The following LAMA3 variants were observed in gnomAD, a reference collection of about 807,000 sequenced individuals.
LAMA3 encodes the protein laminin subunit alpha-3.
In LAMA3, 281 loss-of-function variants were observed where a neutral mutation model predicts 402.0. That is an observed-to-expected ratio of 0.70 (90% confidence interval 0.63 to 0.77). LAMA3 has a LOEUF of 0.77. Among genes scored for constraint, LAMA3 ranks in the 30% least tolerant of loss-of-function variants. The probability of loss-of-function intolerance (pLI) is 0.00; values close to 1 mark genes in which losing one functional copy is unlikely to be tolerated. For synonymous variants in LAMA3, 1,431 were observed against 1,558.4 expected (o/e 0.92, Z 1.93); for missense variants, 3,840 against 4,215.5 (o/e 0.91, Z 2.47).
At position 23,690,277 on chromosome 18, in the gene LAMA3, C is replaced by A. The variant is rs938226955; in HGVS notation, c.294+300C>A. On this transcript the variant is annotated intron_variant, in intron 1 of 74. Transcript: ENST00000313654. ...GCTGCGCTCTAAGAGATGCAGGCGC[C>A]TCGGCCCTTCCCGCCTCCGTCACCC... Among the ~76,000 whole-genome samples, 12 of 152,370 alleles carry A rather than the reference C, an allele frequency of 7.9e-5. No individual in the cohort carries two copies. In the South Asian group the frequency reaches 8.3e-4, roughly 11 times the overall value.
chr18:23,955,055 G>A lies in LAMA3; in HGVS notation c.*407G>A, dbSNP rs2083064420. 3.9e-6 allele frequency: 1 copy of A among 255,504 alleles called. No homozygotes were observed. The allele number at this position is 255,504 out of a possible 1,614,324, so 15.8% of individuals were successfully genotyped here. A position where few individuals can be genotyped will look rare whatever the true frequency, so the allele number is the denominator to read the frequency against. ...AATTTATGGAATTAAAAAATGCAGT[G>A]TAGTCCTTAAATTATGATGTTTTAT... On this transcript the variant is annotated 3_prime_UTR_variant, in exon 75 of 75. Transcript: ENST00000313654.
At chr18:23,924,172 A>G (rs2081933567) in intron 62 of LAMA3, among the ~76,000 whole-genome samples, 1 of 151,858 alleles carries the variant, frequency 6.6e-6, no homozygotes, top group Admixed American at 6.6e-5. Context: ...TTTTTTTGAG[A>G]CAAGAGTCTT....
At chr18:23,810,245 G>A in intron 12 of LAMA3, 121 bp from the exon 13 acceptor site, 1 of 1,159,178 alleles carries the variant, frequency 8.6e-7, no homozygotes, top group Non-Finnish European at 1.3e-6. Context: ...CATAAGAAGT[G>A]GAGCTGGAAT....
intron 35 of LAMA3, among the ~76,000 whole-genome samples, 196 bp from the exon 36 acceptor site, chr18:23,864,589 C>G (rs1003399433): frequency 7.9e-5 from 12 of 152,096 alleles, no homozygotes; most frequent in Non-Finnish European, 8.8e-5. Context: ...TCATGCTAAA[C>G]ATTTCAAATG....
At chr18:23,858,595 A>C (rs2144719228) in intron 33 of LAMA3, 94 bp from the exon 34 acceptor site, 2 of 1,130,384 alleles carry the variant, frequency 1.8e-6, no homozygotes, top group South Asian at 2.5e-5. Context: ...TCATCCTAAC[A>C]TCTTGTGTTG....
intron 62 of LAMA3, among the ~76,000 whole-genome samples, 166 bp downstream of exon 62, chr18:23,921,751 C>G (rs1018793020): frequency 1.3e-5 from 2 of 152,012 alleles, no homozygotes; most frequent in Non-Finnish European, 2.9e-5. Context: ...ATTTAAATCC[C>G]GAATAATGAG....
chr18:23,845,159 A>C, intron 30 of LAMA3, 35 bp downstream of exon 30: 1 of 1,235,348 alleles, frequency 8.1e-7, no homozygotes, highest in Non-Finnish European at 1.2e-6. Flanking sequence ...TCTGGAATGC[A>C]GAGGCACTCC....
chr18:23,954,793 G>A lies in LAMA3; in HGVS notation c.*145G>A. 2.4e-6 allele frequency: 2 copies of A among 822,386 alleles called. No individual in the cohort carries two copies. Among genetic ancestry groups the A allele is most frequent in the South Asian group, 1.4e-5 (1 of 70,570 alleles). 50.9% of individuals were successfully genotyped at this position (822,386 alleles called of 1,614,324 possible). On this transcript the variant is annotated 3_prime_UTR_variant, in exon 75 of 75. Transcript: ENST00000313654. Reference sequence around the variant, plus strand: ...GAATCTAATTTTGAATTCTGACCATGGATACCCATCACTTTGGCATTCAGT... The same window carrying A: ...GAATCTAATTTTGAATTCTGACCATAGATACCCATCACTTTGGCATTCAGT...
chr18:23,728,449 C>T (rs1201412784), intron 2 of LAMA3, among the ~76,000 whole-genome samples: 2 of 152,198 alleles, frequency 1.3e-5, no homozygotes, highest in Admixed American at 6.5e-5. Flanking sequence ...AAGGCTCCAG[C>T]TCTGTCTGGG....
Position 23,826,715 on chromosome 18 carries a change from T to C in LAMA3, c.2585T>C (p.Leu862Pro), listed in dbSNP as rs199976901. ...TTTATTTTCTAGGATTACCTGGTGC[T>C]GCTCCCCAGGGACTACTATGAAGCC... Reference protein sequence around the residue: ...AEGVLLDYLVLLPRDYYEASV... With the variant: ...AEGVLLDYLVPLPRDYYEASV... Residue 862 changes from leucine to proline, a missense_variant, in exon 22 of 75, where the codon CTG (leucine) becomes CCG (proline). Leu to Pro is a moderately conservative substitution (Grantham distance 98). Coordinates refer to ENST00000313654, the MANE Select transcript of LAMA3 (RefSeq NM_198129.4). The C allele has an allele frequency of 6.5e-5, 101 of 1,559,146 alleles. No individual in the cohort carries two copies. Among genetic ancestry groups the C allele is most frequent in the Non-Finnish European group, 8.5e-5 (98 of 1,149,592 alleles).
intron 51 of LAMA3, 127 bp downstream of exon 51, chr18:23,904,821 T>G: frequency 3.9e-6 from 4 of 1,035,418 alleles, no homozygotes; most frequent in Non-Finnish European, 5.7e-6. Context: ...TTGTATAGAA[T>G]AGAACTTGCC....
At chr18:23,905,095 C>T (rs547242702) in intron 51 of LAMA3, among the ~76,000 whole-genome samples, 1 of 151,894 alleles carries the variant, frequency 6.6e-6, no homozygotes, top group Admixed American at 6.6e-5. Context: ...ATCTTATATG[C>T]ACCATATGAT....
intron 2 of LAMA3, among the ~76,000 whole-genome samples, chr18:23,745,173 A>ATG (rs55780622): frequency 0.48 from 71,648 of 148,874 alleles, 18,147 homozygotes; most frequent in Middle Eastern, 0.61. Flanking sequence ...AGAATCAAAA[A>ATG]TGTGTGTGTG....
rs1209699866 is a variant in LAMA3 at position 23,751,073 on chromosome 18, A to T, written c.840A>T (p.Pro280=). 1.2e-6 allele frequency: 2 copies of T among 1,614,142 alleles called. No homozygotes were observed. The change falls in exon 5 of 75, where the codon CCA becomes CCT. Residue 280 remains proline, a synonymous_variant. Coordinates refer to ENST00000313654, the MANE Select transcript of LAMA3 (RefSeq NM_198129.4). ...TCATCTCCAAAGCCCAGCGAGATCCAACTGTCACTCGGCGGGTGAGTAGTC... is the reference window on the plus strand; with the variant it reads ...TCATCTCCAAAGCCCAGCGAGATCCTACTGTCACTCGGCGGGTGAGTAGTC... ...GHLISKAQRD[P]TVTRRYYYSI... is the part of the protein sequence containing the mutation.
rs1352084069 is a variant in LAMA3 at position 23,932,161 on chromosome 18, C to T, written c.8578C>T (p.Leu2860=). 1.2e-6 allele frequency: 2 copies of T among 1,613,978 alleles called. No individual in the cohort carries two copies. The highest frequency in any genetic ancestry group is 1.7e-5 in the Admixed American group (1 of 60,016). The change falls in exon 66 of 75, where the codon CTA becomes TTA. Residue 2860 remains leucine (L), a splice_region_variant and synonymous_variant. Coordinates refer to ENST00000313654, the MANE Select transcript of LAMA3 (RefSeq NM_198129.4). ...TGATTTGCTTTTCTTCCCTTTCAGACTACGGCTTCTCATCGATGACCAGCT... is the reference window on the plus strand; with the variant it reads ...TGATTTGCTTTTCTTCCCTTTCAGATTACGGCTTCTCATCGATGACCAGCT... ...YVSVISDNSG[L]RLLIDDQLLR...
Position 23,919,522 on chromosome 18 carries a change from A to G in LAMA3, c.7924-1413A>G, listed in dbSNP as rs138710110. Among the ~76,000 whole-genome samples, 62 of 152,352 alleles carry G rather than the reference A, an allele frequency of 4.1e-4. No homozygotes were observed. In the East Asian group the frequency reaches 0.011, roughly 27 times the overall value. ...TTTCATCACAACTGTGAAGAGCTGTATCAAGGAAAAGTTTGGGGGTGAAAT... is the reference window on the plus strand; with the variant it reads ...TTTCATCACAACTGTGAAGAGCTGTGTCAAGGAAAAGTTTGGGGGTGAAAT... On this transcript the variant is annotated intron_variant, in intron 60 of 74. Transcript: ENST00000313654.
chr18:23,951,411 G>A (rs1318111768), intron 72 of LAMA3, among the ~76,000 whole-genome samples: 1 of 152,206 alleles, frequency 6.6e-6, no homozygotes, highest in Non-Finnish European at 1.5e-5. Flanking sequence ...TGATGGGGGC[G>A]GGGTTTGGAT....
At chr18:23,880,812 G>A (rs1365568297) in intron 39 of LAMA3, among the ~76,000 whole-genome samples, 3 of 152,192 alleles carry the variant, frequency 2.0e-5, no homozygotes, top group Non-Finnish European at 4.4e-5. Flanking sequence ...AGGAGGCAGA[G>A]GTTGCAGTGA....
chr18:23,845,216 TCCGTCCTCTTCC>T, intron 30 of LAMA3, 92 bp downstream of exon 30: 1 of 762,132 alleles, frequency 1.3e-6, no homozygotes, highest in East Asian at 2.6e-5. Flanking sequence ...GGCCCATGGA[TCCGTCCTCTTCC>T]CCGCACTGCC....
Sources: gnomAD v4.1 joint callset for allele counts (sites outside exome capture counted in the v4.1 genomes callset) on GRCh38, gnomAD v4.1.1 for gene constraint, MANE v1.5 for transcripts, NCBI Gene and HGNC (gene_info 2026-07-23, HGNC 2026-07-21) for gene names.